KIRREL3: variants seen among roughly 807,000 people sequenced by gnomAD.
KIRREL3 encodes the protein kirre like nephrin family adhesion molecule 3.
KIRREL3 carries 36 observed loss-of-function variants against 89.7 expected under a neutral mutation model. The observed-to-expected ratio is 0.40, with a 90% CI of 0.31 to 0.53. The LOEUF (loss-of-function observed/expected upper bound fraction) is 0.53. Among genes scored for constraint, KIRREL3 ranks in the 20% least tolerant of loss-of-function variants. The pLI, the probability that KIRREL3 is intolerant of heterozygous loss-of-function variation, is 0.49. For synonymous variants in KIRREL3, 445 were observed against 441.4 expected (o/e 1.01, Z -0.10); for missense variants, 864 against 1,056.6 (o/e 0.82, Z 2.53).
chr11:126,826,251 T>C (rs1943408852), intron 1 of KIRREL3, among the ~76,000 whole-genome samples: 1 of 152,202 alleles, frequency 6.6e-6, no homozygotes, highest in African/African-American at 2.4e-5. Flanking sequence ...ATGATCTCTA[T>C]ATCCCTAACA....
rs576360645 is a variant in KIRREL3 at position 126,755,943 on chromosome 11, G to T, written c.56-193031C>A. On this transcript the variant is annotated intron_variant, in intron 1 of 16. Transcript: ENST00000525144. This position sits in a 1 kb window ranked among gnomAD's most constrained non-coding sequence, Gnocchi z 4.3. Reference sequence around the variant, plus strand: ...AGCACCTAATTTTGGAAACTCACTCGTAATTTCAATCACATCTAGGTGTTA... The same window carrying T: ...AGCACCTAATTTTGGAAACTCACTCTTAATTTCAATCACATCTAGGTGTTA... Among the ~76,000 whole-genome samples the T allele has an allele frequency of 6.6e-6, 1 of 151,980 alleles. No homozygotes were observed. Among genetic ancestry groups the T allele is most frequent in the East Asian group, 1.9e-4 (1 of 5,160 alleles).
intron 2 of KIRREL3, among the ~76,000 whole-genome samples, chr11:126,538,208 G>A (rs933347051): frequency 1.3e-5 from 2 of 152,238 alleles, no homozygotes; most frequent in African/African-American, 4.8e-5. Context: ...CTGGAGTGTT[G>A]TGTCAGCCAT....
intron 1 of KIRREL3, among the ~76,000 whole-genome samples, chr11:126,974,233 T>C (rs1565469336): frequency 6.6e-6 from 1 of 152,188 alleles, no homozygotes; most frequent in Non-Finnish European, 1.5e-5. Flanking sequence ...CTCATCACCA[T>C]CTTTCCTTTC....
chr11:126,757,643 A>G (rs1291461152), intron 1 of KIRREL3, among the ~76,000 whole-genome samples: 1 of 152,152 alleles, frequency 6.6e-6, no homozygotes, highest in Non-Finnish European at 1.5e-5. Context: ...ATTTTTCATT[A>G]TATCAACCTT....
chr11:126,894,986 T>C (rs1239001583), intron 1 of KIRREL3, among the ~76,000 whole-genome samples: 1 of 152,086 alleles, frequency 6.6e-6, no homozygotes, highest in Non-Finnish European at 1.5e-5. Context: ...GTGTATTCCA[T>C]CCTCTCTGGG....
chr11:126,688,317 A>T (rs1946745849), intron 1 of KIRREL3, among the ~76,000 whole-genome samples: 1 of 152,210 alleles, frequency 6.6e-6, no homozygotes, highest in Non-Finnish European at 1.5e-5. Flanking sequence ...GATTGCAAAT[A>T]AGTTGTTGAC....
intron 2 of KIRREL3, among the ~76,000 whole-genome samples, chr11:126,542,499 G>A (rs1307418419): frequency 1.3e-4 from 20 of 152,148 alleles, no homozygotes; most frequent in Non-Finnish European, 2.9e-4. Flanking sequence ...TATGTTTGAT[G>A]TTCTAGGAAT....
In KIRREL3 at chr11:126,876,560, T is replaced by G. The variant is rs1327206798; in HGVS notation, c.55+123895A>C. 6.8e-6 allele frequency among the ~76,000 whole-genome samples: 1 copy of G among 146,162 alleles called. No homozygotes were observed. Among genetic ancestry groups the G allele is most frequent in the Non-Finnish European group, 1.5e-5 (1 of 66,850 alleles). ...ATGCTTTTTTTTTTTTTTTTTGAGATGGAGTCTTGCTCTGTCACCCAGGCT... is the reference window on the plus strand; with the variant it reads ...ATGCTTTTTTTTTTTTTTTTTGAGAGGGAGTCTTGCTCTGTCACCCAGGCT... On this transcript the variant is annotated intron_variant, in intron 1 of 16. Coordinates refer to ENST00000525144, the MANE Select transcript of KIRREL3 (RefSeq NM_032531.4). This position sits in a 1 kb window ranked among gnomAD's most constrained non-coding sequence, Gnocchi z 4.1.
At chr11:126,974,675 G>A (rs147156044) in intron 1 of KIRREL3, among the ~76,000 whole-genome samples, 256 of 152,058 alleles carry the variant, frequency 1.7e-3, no homozygotes, top group African/African-American at 5.8e-3. Context: ...TAGGCTACAT[G>A]GTATAGCCTG....
rs59100386 is a variant in KIRREL3, at chr11:126,464,345, C to CAAA, written c.592-1041_592-1039dup. On this transcript the variant is annotated intron_variant, in intron 5 of 16. Coordinates refer to ENST00000525144, the MANE Select transcript of KIRREL3 (RefSeq NM_032531.4). ...CAACATAGGAAGATCCTGTCACTAC[C>CAAA]AAAAAAAAAAAAAAAAAGAAAAAAA... Among the ~76,000 whole-genome samples the CAAA allele has an allele frequency of 1.4e-3, 137 of 94,822 alleles. 1 individual carries two copies. Among genetic ancestry groups the CAAA allele is most frequent in the East Asian group, 6.7e-3 (23 of 3,454 alleles). 62.2% of individuals were successfully genotyped at this position (94,822 alleles called of 152,430 possible). A position where few individuals can be genotyped will look rare whatever the true frequency, so the allele number is the denominator to read the frequency against.
chr11:126,445,369 G>A (rs1007886399), intron 9 of KIRREL3, among the ~76,000 whole-genome samples: 1 of 152,220 alleles, frequency 6.6e-6, no homozygotes, highest in Admixed American at 6.5e-5. Context: ...GTGGGCTGGG[G>A]GCATGTGGGG....
intron 1 of KIRREL3, among the ~76,000 whole-genome samples, chr11:126,857,664 C>T (rs1944566295): frequency 6.6e-6 from 1 of 151,952 alleles, no homozygotes; most frequent in Admixed American, 6.6e-5. Flanking sequence ...GCAGCATTTC[C>T]AGGACTTGAA....
Position 126,908,742 on chromosome 11 carries a change from A to G in KIRREL3, c.55+91713T>C, listed in dbSNP as rs543928495. On this transcript the variant is annotated intron_variant, in intron 1 of 16. Transcript: ENST00000525144. The surrounding 1 kb of genome is among the most constrained non-coding windows in gnomAD (Gnocchi z 4.2). ...ATTAAATATAATAGTTTCTGCTTTT[A>G]TGGGGCCTATAGTCTAGGTAGGAAG... is the stretch of plus-strand genomic sequence containing the variant. 1.6e-4 allele frequency among the ~76,000 whole-genome samples: 24 copies of G among 152,264 alleles called. No homozygotes were observed. The South Asian group carries it at 4.4e-3, about 28-fold the overall frequency.
rs1244892427 is a variant in KIRREL3 at position 126,778,870 on chromosome 11, C to A, written c.56-215958G>T. Among the ~76,000 whole-genome samples, 2 of 152,152 alleles carry A rather than the reference C, an allele frequency of 1.3e-5. No homozygotes were observed. Among genetic ancestry groups the A allele is most frequent in the African/African-American group, 4.8e-5 (2 of 41,434 alleles). ...GTCGTTCTTGTTATTTTATAGTCTA[C>A]CAGGTAAATGTACGCAGTTTTGGTA... On this transcript the variant is annotated intron_variant, in intron 1 of 16. Coordinates refer to ENST00000525144, the MANE Select transcript of KIRREL3 (RefSeq NM_032531.4). The surrounding 1 kb of genome is among the most constrained non-coding windows in gnomAD (Gnocchi z 4.5).
At chr11:126,604,749 G>C (rs553072446) in intron 1 of KIRREL3, among the ~76,000 whole-genome samples, 8 of 152,282 alleles carry the variant, frequency 5.3e-5, no homozygotes, top group African/African-American at 1.7e-4. Flanking sequence ...TCTGAGCTTT[G>C]CCAGGTGTCC....
chr11:126,923,201 CT>C (rs1361700314), intron 1 of KIRREL3, among the ~76,000 whole-genome samples: 5,927 of 16,960 alleles, frequency 0.35, 1,894 homozygotes, highest in African/African-American at 0.57. Flanking sequence ...TCTTCTTCTT[CT>C]TCTTCTTCTT....
chr11:126,559,097 C>T (rs1308700758), intron 2 of KIRREL3, among the ~76,000 whole-genome samples: 1 of 151,598 alleles, frequency 6.6e-6, no homozygotes, highest in Non-Finnish European at 1.5e-5. Flanking sequence ...GCCTCCTCAC[C>T]CAGCCCTGCT....
At chr11:126,895,120 C>T (rs894084303) in intron 1 of KIRREL3, among the ~76,000 whole-genome samples, 1 of 152,080 alleles carries the variant, frequency 6.6e-6, no homozygotes. Context: ...GTGACGATTC[C>T]TAGTGCTTCA....
rs527410295 is a variant in KIRREL3 at position 126,628,019 on chromosome 11, T to C, written c.56-65107A>G. Among the ~76,000 whole-genome samples, 1 of 152,320 alleles carries C rather than the reference T, an allele frequency of 6.6e-6. No individual in the cohort carries two copies. The highest frequency in any genetic ancestry group is 2.1e-4 in the South Asian group (1 of 4,828). ...TCTACCTATCCTGAAGTTTGTTGAG[T>C]GGTTCTAATGAGCAAATGACCTATA... On this transcript the variant is annotated intron_variant, in intron 1 of 16. Coordinates refer to ENST00000525144, the MANE Select transcript of KIRREL3 (RefSeq NM_032531.4). This position sits in a 1 kb window ranked among gnomAD's most constrained non-coding sequence, Gnocchi z 5.2.
Sources: allele counts gnomAD v4.1 joint callset (sites outside exome capture counted in the v4.1 genomes callset), GRCh38; gene constraint gnomAD v4.1.1; non-coding constraint Gnocchi (gnomAD v3.1); transcripts MANE v1.5; gene names NCBI Gene and HGNC (gene_info 2026-07-23, HGNC 2026-07-21).